ZNF451: variants seen among roughly 807,000 people sequenced by gnomAD.
ZNF451 encodes the protein E3 SUMO-protein ligase ZNF451.
In ZNF451, 80 loss-of-function variants were observed where a neutral mutation model predicts 107.1. The ratio of observed to expected loss-of-function variants is 0.75; its 90% CI spans 0.62 to 0.90. ZNF451 has a LOEUF of 0.90. ZNF451 is among the 40% of genes least tolerant of loss of function. The probability of loss-of-function intolerance (pLI) is 0.00; values close to 1 mark genes in which losing one functional copy is unlikely to be tolerated. For synonymous variants in ZNF451, 362 were observed against 406.5 expected (o/e 0.89, Z 1.32); for missense variants, 1,107 against 1,236.2 (o/e 0.90, Z 1.57).
At chr6:57,166,345 AT>A (rs71549746) in intron 14 of ZNF451, among the ~76,000 whole-genome samples, 2 of 151,854 alleles carry the variant, frequency 1.3e-5, no homozygotes, top group East Asian at 1.9e-4. Flanking sequence ...ATTTAAAAAA[AT>A]TTTTTTTTCT....
intron 7 of ZNF451, among the ~76,000 whole-genome samples, chr6:57,136,963 G>A (rs1380941013): frequency 1.3e-5 from 2 of 152,040 alleles, no homozygotes; most frequent in Non-Finnish European, 2.9e-5. Context: ...GACAGACCTG[G>A]GTTCCACTGT....
chr6:57,102,280 G>T, intron 3 of ZNF451: 1 of 1,310,792 alleles, frequency 7.6e-7, no homozygotes, highest in Non-Finnish European at 9.7e-7. Context: ...AGAAACTCAT[G>T]ACTTATTGGC....
intron 3 of ZNF451, chr6:57,102,894 T>A (rs565729959): frequency 2.0e-6 from 2 of 985,452 alleles, no homozygotes; most frequent in African/African-American, 1.7e-5. Flanking sequence ...GAGAATTGTT[T>A]GTTGTTATCA....
chr6:57,122,485 A>G (rs1472481929), intron 3 of ZNF451, among the ~76,000 whole-genome samples: 1 of 152,240 alleles, frequency 6.6e-6, no homozygotes, highest in African/African-American at 2.4e-5. Flanking sequence ...GCACCTGACA[A>G]AGGACTAATA....
chr6:57,148,802 T>G (rs1010114216), intron 10 of ZNF451, 109 bp downstream of exon 10: 1 of 1,025,034 alleles, frequency 9.8e-7, no homozygotes, highest in African/African-American at 1.6e-5. Context: ...CTTGATGGTA[T>G]GTTAATTATT....
In ZNF451 at chr6:57,148,314, A is replaced by G. The variant is rs779990395; in HGVS notation, c.2229A>G (p.Gln743=). ...NRKEDYSRCL[Q]IMLDKGKLWF... The stretch of plus-strand genomic sequence containing the variant: ...AAGAAGATTATAGCAGATGTCTCCA[A>G]ATCATGCTGGATAAAGGAAAACTGT... Residue 743 remains glutamine (Q), a synonymous_variant, in exon 10 of 15, where the codon CAA becomes CAG. Transcript: ENST00000370706. 6.2e-7 allele frequency: 1 copy of G among 1,614,110 alleles called. No individual in the cohort carries two copies. Among genetic ancestry groups the G allele is most frequent in the East Asian group, 2.2e-5 (1 of 44,874 alleles).
In ZNF451 at chr6:57,147,935, C is replaced by G. The variant is rs758150902; in HGVS notation, c.1850C>G (p.Ser617Cys). ...CGGATTTGTGAAGATATGTTTGATT[C>G]CCAGGAATATGTAAAACAGCACTGC... is the stretch of plus-strand genomic sequence containing the variant. ...QCRICEDMFD[S>C]QEYVKQHCMS... Residue 617 changes from serine to cysteine, a missense_variant, in exon 10 of 15, where the codon TCC becomes TGC. Ser to Cys is a moderately radical substitution (Grantham distance 112). Coordinates refer to ENST00000370706, the MANE Select transcript of ZNF451 (RefSeq NM_001031623.3). The G allele has an allele frequency of 6.2e-7, 1 of 1,614,080 alleles. No individual in the cohort carries two copies. The highest frequency in any genetic ancestry group is 2.2e-5 in the East Asian group (1 of 44,886).
intron 8 of ZNF451, 90 bp downstream of exon 8, chr6:57,141,545 T>C: frequency 8.5e-7 from 1 of 1,172,312 alleles, no homozygotes; most frequent in South Asian, 2.0e-5. Flanking sequence ...AGATTACATA[T>C]CCTCATCTTA....
intron 2 of ZNF451, among the ~76,000 whole-genome samples, chr6:57,092,308 A>C (rs1382653266): frequency 6.6e-6 from 1 of 152,180 alleles, no homozygotes. Context: ...GCTTGAGTTC[A>C]CCTTTGGTTT....
intron 9 of ZNF451, among the ~76,000 whole-genome samples, chr6:57,142,740 T>A (rs1831834282): frequency 6.6e-6 from 1 of 152,206 alleles, no homozygotes. Flanking sequence ...GGTTCAGAAG[T>A]AGGTTTATAT....
chr6:57,133,811 A>G (rs1395925868), intron 6 of ZNF451, among the ~76,000 whole-genome samples: 2 of 151,866 alleles, frequency 1.3e-5, no homozygotes, highest in Non-Finnish European at 2.9e-5. Flanking sequence ...AGTGTCTGGG[A>G]CTACAGGTTG....
intron 3 of ZNF451, chr6:57,105,685 C>G (rs970421568): frequency 2.0e-6 from 2 of 985,188 alleles, no homozygotes; most frequent in African/African-American, 3.5e-5. Flanking sequence ...GCTTTGTTTT[C>G]TATAGATATG....
intron 4 of ZNF451, 48 bp from the exon 5 acceptor site, chr6:57,128,681 G>T: frequency 7.5e-7 from 1 of 1,329,012 alleles, no homozygotes; most frequent in South Asian, 1.3e-5. Context: ...CTTTTCTCAA[G>T]GAAAACAGGG....
Position 57,148,604 on chromosome 6 carries a change from C to T in ZNF451, c.2519C>T (p.Thr840Ile), listed in dbSNP as rs1202236851. Residue 840 changes from threonine to isoleucine, a missense_variant, in exon 10 of 15, where the codon ACA becomes ATA. Physicochemically the swap from Thr to Ile is moderately conservative, Grantham distance 89. Coordinates refer to ENST00000370706, the MANE Select transcript of ZNF451 (RefSeq NM_001031623.3). ...AAGTTTACTGCTAGTGCCTCACATA[C>T]AGAGAGAAAACTGAAACAGGCAATA... Reference protein sequence around the residue: ...LYKFTASASHTERKLKQAINY... With the variant: ...LYKFTASASHIERKLKQAINY... The T allele has an allele frequency of 6.2e-7, 1 of 1,613,876 alleles. No individual in the cohort carries two copies. The highest frequency in any genetic ancestry group is 8.5e-7 in the Non-Finnish European group (1 of 1,179,940).
At chr6:57,101,414 A>G (rs1230619572) in intron 3 of ZNF451, 1 of 1,550,624 alleles carries the variant, frequency 6.4e-7, no homozygotes, top group East Asian at 2.4e-5. Flanking sequence ...CCTGTGGCCA[A>G]GGACACCTCT....
chr6:57,124,963 A>G (rs1204630026), intron 4 of ZNF451, 104 bp downstream of exon 4: 1 of 697,024 alleles, frequency 1.4e-6, no homozygotes, highest in Non-Finnish European at 2.1e-6. Flanking sequence ...ATCAAAGCTC[A>G]GTATGTACCC....
At chr6:57,104,294 C>T in intron 3 of ZNF451, 6 of 985,344 alleles carry the variant, frequency 6.1e-6, no homozygotes, top group Non-Finnish European at 7.2e-6. Flanking sequence ...GATATTGGCA[C>T]TGTAGTTTTA....
chr6:57,114,389 A>C (rs1004973267), intron 3 of ZNF451, among the ~76,000 whole-genome samples: 1 of 152,068 alleles, frequency 6.6e-6, no homozygotes, highest in Non-Finnish European at 1.5e-5. Context: ...CATATATGTA[A>C]AAAAATATAT....
At chr6:57,142,993 C>G (rs1470680951) in intron 9 of ZNF451, among the ~76,000 whole-genome samples, 2 of 152,002 alleles carry the variant, frequency 1.3e-5, no homozygotes, top group Non-Finnish European at 2.9e-5. Context: ...AATCTCTGTT[C>G]AAGTCTTTTG....
Sources: allele counts gnomAD v4.1 joint callset (sites outside exome capture counted in the v4.1 genomes callset), GRCh38; gene constraint gnomAD v4.1.1; transcripts MANE v1.5; gene names NCBI Gene and HGNC (gene_info 2026-07-23, HGNC 2026-07-21).